TACC1: variants seen among roughly 807,000 people sequenced by gnomAD.
The protein encoded by TACC1 is transforming acidic coiled-coil-containing protein 1.
In TACC1, 48 loss-of-function variants were observed where a neutral mutation model predicts 84.4. That is an observed-to-expected ratio of 0.57 (90% CI 0.45 to 0.72). TACC1 has a LOEUF of 0.72. Ranked by LOEUF, TACC1 falls within the 30% of genes least tolerant of loss-of-function variation. The pLI is 0.00. For missense variants in TACC1, 920 were observed against 973.0 expected, an observed-to-expected ratio of 0.95 and a Z score of 0.72; for synonymous variants, 372 against 376.3, an observed-to-expected ratio of 0.99 and a Z score of 0.13.
intron 2 of TACC1, among the ~76,000 whole-genome samples, chr8:38,744,697 G>T (rs554754080): frequency 6.6e-6 from 1 of 150,526 alleles, no homozygotes; most frequent in East Asian, 2.0e-4. Flanking sequence ...ACTTAAAATT[G>T]CCCATCAGGG....
chr8:38,803,095 G>A (rs991851897), intron 2 of TACC1, among the ~76,000 whole-genome samples: 4 of 152,178 alleles, frequency 2.6e-5, no homozygotes, highest in East Asian at 1.9e-4. Context: ...CATTGCAAGT[G>A]TGTAGAAATA....
At chr8:38,828,495 A>G (rs980087346) in intron 5 of TACC1, among the ~76,000 whole-genome samples, 2 of 152,256 alleles carry the variant, frequency 1.3e-5, no homozygotes, top group Admixed American at 6.5e-5. Flanking sequence ...AGTTGTGCAG[A>G]AGTATAATTG....
chr8:38,789,644 G>T (rs1293533363), intron 2 of TACC1, among the ~76,000 whole-genome samples: 3 of 152,120 alleles, frequency 2.0e-5, no homozygotes, highest in African/African-American at 7.2e-5. Flanking sequence ...AGGGGAGTTA[G>T]TGGGGGCATT....
At chr8:38,808,370 A>C in intron 2 of TACC1, among the ~76,000 whole-genome samples, 1 of 152,216 alleles carries the variant, frequency 6.6e-6, no homozygotes, top group Non-Finnish European at 1.5e-5. Context: ...AACTTCTTAT[A>C]AAAGTGACTT....
intron 11 of TACC1, among the ~76,000 whole-genome samples, chr8:38,844,204 T>A (rs1337739618): frequency 6.6e-6 from 1 of 152,074 alleles, no homozygotes; most frequent in East Asian, 1.9e-4. Flanking sequence ...ACGGAGTTTC[T>A]CTCTGTCACC....
At chr8:38,813,642 T>C (rs1439367905) in intron 2 of TACC1, among the ~76,000 whole-genome samples, 5 of 152,242 alleles carry the variant, frequency 3.3e-5, no homozygotes, top group African/African-American at 9.6e-5. Context: ...GACTGGTTGC[T>C]CAGGTAGGTC....
At chr8:38,743,128 G>A (rs1807396413) in intron 2 of TACC1, among the ~76,000 whole-genome samples, 1 of 152,098 alleles carries the variant, frequency 6.6e-6, no homozygotes, top group Admixed American at 6.6e-5. Context: ...CATTGTTTAG[G>A]CAGTGCCAAA....
intron 2 of TACC1, chr8:38,742,529 C>A: frequency 1.9e-6 from 2 of 1,043,290 alleles, no homozygotes; most frequent in Non-Finnish European, 2.8e-6. Context: ...TGAAAAATAA[C>A]AGATATGTAA....
intron 1 of TACC1, among the ~76,000 whole-genome samples, chr8:38,733,271 AC>A (rs1368263588): frequency 6.7e-6 from 1 of 148,464 alleles, no homozygotes; most frequent in Admixed American, 6.7e-5. Flanking sequence ...TGCAATAAAT[AC>A]CCTCCATCTC....
chr8:38,771,076 A>G (rs1269675089), intron 3 of TACC1, among the ~76,000 whole-genome samples: 1 of 152,196 alleles, frequency 6.6e-6, no homozygotes, highest in Non-Finnish European at 1.5e-5. Flanking sequence ...TTGCTGGCTC[A>G]TTGAAAAAGT....
intron 3 of TACC1, among the ~76,000 whole-genome samples, chr8:38,768,548 TTCC>T (rs1812734157): frequency 2.6e-5 from 4 of 152,168 alleles, no homozygotes; most frequent in African/African-American, 7.2e-5. Flanking sequence ...GTTCAATTTT[TTCC>T]TCCTCCATCC....
chr8:38,748,743 C>G (rs1268020790), intron 3 of TACC1, among the ~76,000 whole-genome samples: 1 of 151,942 alleles, frequency 6.6e-6, no homozygotes, highest in Admixed American at 6.6e-5. Flanking sequence ...ATATTTTGCC[C>G]TGATGATAAT....
chr8:38,793,364 TG>T (rs1390092219), intron 2 of TACC1, among the ~76,000 whole-genome samples: 3 of 152,192 alleles, frequency 2.0e-5, no homozygotes, highest in Non-Finnish European at 4.4e-5. Context: ...CCTGTTTTTT[TG>T]CATGGCCCTG....
intron 1 of TACC1, among the ~76,000 whole-genome samples, chr8:38,740,925 T>G (rs985144394): frequency 1.3e-5 from 2 of 152,206 alleles, no homozygotes; most frequent in Admixed American, 6.5e-5. Flanking sequence ...GTTAAAAGCC[T>G]GTTGTGTTTT....
At chr8:38,747,181 A>G (rs1368454137) in intron 3 of TACC1, among the ~76,000 whole-genome samples, 1 of 152,268 alleles carries the variant, frequency 6.6e-6, no homozygotes, top group Non-Finnish European at 1.5e-5. Context: ...AGAATAGCCA[A>G]AATTCAAAAT....
At chr8:38,838,292 C>G (rs764394217) in intron 7 of TACC1, among the ~76,000 whole-genome samples, 178 bp from the exon 8 acceptor site, 1 of 152,242 alleles carries the variant, frequency 6.6e-6, no homozygotes, top group Non-Finnish European at 1.5e-5. Flanking sequence ...TGCATCCCAG[C>G]ATTCAGTGTG....
At chr8:38,775,954 A>C (rs1165259815) in intron 3 of TACC1, among the ~76,000 whole-genome samples, 1 of 152,208 alleles carries the variant, frequency 6.6e-6, no homozygotes, top group Non-Finnish European at 1.5e-5. Flanking sequence ...ATTTCTAAAA[A>C]TATTTTGTGT....
chr8:38,796,464 G>C (rs2152045792), intron 2 of TACC1, among the ~76,000 whole-genome samples: 1 of 152,304 alleles, frequency 6.6e-6, no homozygotes, highest in Non-Finnish European at 1.5e-5. Flanking sequence ...TGTGATAGTA[G>C]TTTAAAAAAT....
chr8:38,773,320 G>A (rs894564421), intron 3 of TACC1, among the ~76,000 whole-genome samples: 57 of 149,980 alleles, frequency 3.8e-4, no homozygotes, highest in African/African-American at 1.3e-3. Context: ...GTAAAACTCC[G>A]TCTCAAAAAA....
Sources: gnomAD v4.1 joint callset for allele counts (sites outside exome capture counted in the v4.1 genomes callset) on GRCh38, gnomAD v4.1.1 for gene constraint, MANE v1.5 for transcripts, NCBI Gene and HGNC (gene_info 2026-07-23, HGNC 2026-07-21) for gene names.